The following HECTD4 variants were observed in gnomAD, a reference collection of about 807,000 sequenced individuals.
HECTD4 encodes HECT domain E3 ubiquitin protein ligase 4.
Under a neutral mutation model 471.5 loss-of-function variants are expected in HECTD4, and 114 were observed. The ratio of observed to expected loss-of-function variants is 0.24; its 90% CI spans 0.21 to 0.28. The LOEUF is 0.28. Ranked by LOEUF, HECTD4 falls within the 10% of genes least tolerant of loss-of-function variation. The pLI is 1.00. For missense variants in HECTD4, 3,866 were observed against 5,651.5 expected (o/e 0.68, Z 10.13); for synonymous variants, 2,012 against 2,256.0 (o/e 0.89, Z 3.07).
rs529582883 is a variant in HECTD4, at chr12:112,192,438, T to C, written c.9292+122A>G. On this transcript the variant is annotated intron_variant, in intron 59 of 75. Transcript: ENST00000682272. ...AGTTTCTTCCAGAAGTCCCCAGAAG[T>C]CCTATTCTTTATCAATAGGAACTGG... The C allele has an allele frequency of 2.0e-5, 14 of 687,242 alleles. No homozygotes were observed. In the African/African-American group the frequency reaches 2.2e-4, roughly 11 times the overall value. 42.6% of individuals were successfully genotyped at this position (687,242 alleles called of 1,614,324 possible).
At position 112,228,761 on chromosome 12, in the gene HECTD4, A is replaced by G. The variant is rs1379481331; in HGVS notation, c.6570T>C (p.Asn2190=). The G allele has an allele frequency of 6.2e-7, 1 of 1,613,728 alleles. No homozygotes were observed. Among genetic ancestry groups the G allele is most frequent in the Admixed American group, 1.7e-5 (1 of 59,884 alleles). The change falls in exon 42 of 76, where the codon AAT becomes AAC. Residue 2190 remains asparagine, a synonymous_variant. Coordinates refer to ENST00000682272, the MANE Select transcript of HECTD4 (RefSeq NM_001388303.1). This position sits in a 1 kb window ranked among gnomAD's most constrained non-coding sequence, Gnocchi z 4.9. ...TGACTGTAGCTATACCTTCCTGTTC[A>G]TTGATAGAAGCCACTACTCCAATGC... ...SGSIGVVASI[N]EQEGIATVRF...
intron 18 of HECTD4, among the ~76,000 whole-genome samples, chr12:112,259,517 C>CTTTTT (rs34854104): frequency 7.6e-5 from 9 of 118,636 alleles, no homozygotes; most frequent in African/African-American, 1.7e-4. Context: ...TATAAGCTGC[C>CTTTTT]TTTTTTTTTT....
At chr12:112,358,439 A>T (rs1406380176) in intron 1 of HECTD4, among the ~76,000 whole-genome samples, 1 of 152,132 alleles carries the variant, frequency 6.6e-6, no homozygotes, top group Non-Finnish European at 1.5e-5. Context: ...AACATAGCAA[A>T]ACCTCATTTC....
rs2033778721 is a variant in HECTD4 at position 112,247,025 on chromosome 12, T to C, written c.4389A>G (p.Pro1463=). The change falls in exon 29 of 76, where the codon CCA becomes CCG. Residue 1463 remains proline (P), a synonymous_variant. Transcript: ENST00000682272. ...TCACTAACGTCTTTGTTTTAGCCAG[T>C]GGGTGTGAGGGTTTCTGAATAAGAG... ...VNSLIQKPSH[P]LAKTKTLVKS... 6.2e-7 allele frequency: 1 copy of C among 1,611,118 alleles called. No individual in the cohort carries two copies. Among genetic ancestry groups the C allele is most frequent in the Non-Finnish European group, 8.5e-7 (1 of 1,179,336 alleles).
intron 66 of HECTD4, among the ~76,000 whole-genome samples, chr12:112,175,204 T>G (rs1296645210): frequency 6.6e-6 from 1 of 152,208 alleles, no homozygotes; most frequent in Non-Finnish European, 1.5e-5. Context: ...ATCCCCAGTG[T>G]GACTACATTT....
rs932740512 is a variant in HECTD4 at position 112,266,048 on chromosome 12, T to A, written c.2393-65A>T. 8.5e-6 allele frequency: 10 copies of A among 1,171,490 alleles called. 1 individual carries two copies. The highest frequency in any genetic ancestry group is 8.0e-5 in the South Asian group (6 of 75,226). The allele number at this position is 1,171,490 out of a possible 1,614,324, so 72.6% of individuals were successfully genotyped here. On this transcript the variant is annotated intron_variant, in intron 14 of 75. Coordinates refer to ENST00000682272, the MANE Select transcript of HECTD4 (RefSeq NM_001388303.1). ...ACTCCTAGAATACTGATGCTATTTT[T>A]AAAAAGTTTTTAAACAAATAGATTG...
Position 112,179,160 on chromosome 12 carries a change from G to A in HECTD4, c.11211+14C>T. On this transcript the variant is annotated intron_variant, in intron 63 of 75. Coordinates refer to ENST00000682272, the MANE Select transcript of HECTD4 (RefSeq NM_001388303.1). The surrounding 1 kb of genome is among the most constrained non-coding windows in gnomAD (Gnocchi z 4.3). ...CCAAGGCCCGGCCTGGGTATGGTGG[G>A]GACGGGCAGCTACCTGGGTGAGCTG... The A allele has an allele frequency of 6.2e-7, 1 of 1,613,454 alleles. No individual in the cohort carries two copies. Among genetic ancestry groups the A allele is most frequent in the South Asian group, 1.1e-5 (1 of 90,966 alleles).
At chr12:112,200,079 A>G (rs910947352) in intron 55 of HECTD4, among the ~76,000 whole-genome samples, 1 of 151,854 alleles carries the variant, frequency 6.6e-6, no homozygotes, top group Non-Finnish European at 1.5e-5. Flanking sequence ...GAGTCAGTCA[A>G]TCTCTAGCTA....
At chr12:112,215,906 T>C (rs2135549079) in intron 48 of HECTD4, among the ~76,000 whole-genome samples, 1 of 152,318 alleles carries the variant, frequency 6.6e-6, no homozygotes, top group Middle Eastern at 3.4e-3. Context: ...ATGCTGGAAT[T>C]ATAGGCGTGA....
chr12:112,211,370 C>T (rs1292242403), intron 49 of HECTD4, among the ~76,000 whole-genome samples: 5 of 152,106 alleles, frequency 3.3e-5, no homozygotes, highest in African/African-American at 1.2e-4. Context: ...GGCACCACCA[C>T]ACCTGGCATC....
intron 1 of HECTD4, among the ~76,000 whole-genome samples, chr12:112,324,099 T>C (rs933019712): frequency 1.6e-4 from 16 of 101,920 alleles, no homozygotes; most frequent in Non-Finnish European, 2.3e-4. Flanking sequence ...TCTTTCTTTC[T>C]TTCCTCTCTC....
chr12:112,266,121 G>A, intron 14 of HECTD4, 138 bp from the exon 15 acceptor site: 2 of 606,420 alleles, frequency 3.3e-6, no homozygotes, highest in Non-Finnish European at 5.8e-6. Context: ...AAATAAGAGT[G>A]GCAAAAACGA....
At chr12:112,332,188 A>G (rs907293453) in intron 1 of HECTD4, among the ~76,000 whole-genome samples, 2 of 151,882 alleles carry the variant, frequency 1.3e-5, no homozygotes, top group African/African-American at 4.9e-5. Flanking sequence ...CTTTGATAAT[A>G]TGTCACTCAA....
intron 40 of HECTD4, 85 bp from the exon 41 acceptor site, chr12:112,229,965 C>G (rs1429712432): frequency 7.8e-7 from 1 of 1,282,416 alleles, no homozygotes; most frequent in Non-Finnish European, 1.1e-6. Context: ...ACAACAGTGC[C>G]TGGGTCCCAT....
At chr12:112,374,307 G>A (rs942204613) in intron 1 of HECTD4, among the ~76,000 whole-genome samples, 1 of 152,182 alleles carries the variant, frequency 6.6e-6, no homozygotes, top group African/African-American at 2.4e-5. Context: ...GCCAGTGACA[G>A]AGTGAGAACC....
intron 54 of HECTD4, 32 bp downstream of exon 54, chr12:112,203,604 T>G (rs1281904721): frequency 1.3e-6 from 2 of 1,588,420 alleles, no homozygotes; most frequent in African/African-American, 2.7e-5. Context: ...ATATATAAAA[T>G]AGCTTATTAA....
chr12:112,362,603 A>T (rs1212694101), intron 1 of HECTD4, among the ~76,000 whole-genome samples: 2 of 152,176 alleles, frequency 1.3e-5, no homozygotes, highest in Non-Finnish European at 1.5e-5. Flanking sequence ...AGTAACTACT[A>T]ATACTGGCTG....
At position 112,203,735 on chromosome 12, in the gene HECTD4, A is replaced by G. The variant is rs2032495651; in HGVS notation, c.8307T>C (p.Asn2769=). Residue 2769 remains asparagine (N), a synonymous_variant, in exon 54 of 76, where the codon AAT becomes AAC. Coordinates refer to ENST00000682272, the MANE Select transcript of HECTD4 (RefSeq NM_001388303.1). ...CAGTTCCAACAGCACTGCTGGCTAC[A>G]TTATTGCTGTCTGGAGAGCGGGTTA... is the stretch of plus-strand genomic sequence containing the variant. ...TVVTRSPDSN[N]VASSAVGTAL... The G allele has an allele frequency of 6.2e-7, 1 of 1,612,740 alleles. No individual in the cohort carries two copies. Among genetic ancestry groups the G allele is most frequent in the African/African-American group, 1.3e-5 (1 of 74,904 alleles).
intron 23 of HECTD4, 130 bp from the exon 24 acceptor site, chr12:112,251,264 G>C: frequency 1.3e-6 from 1 of 795,100 alleles, no homozygotes; most frequent in Non-Finnish European, 1.9e-6. Context: ...CACTGCTAGG[G>C]GACACAGGTA....
Sources: allele counts gnomAD v4.1 joint callset (sites outside exome capture counted in the v4.1 genomes callset), GRCh38; gene constraint gnomAD v4.1.1; non-coding constraint Gnocchi (gnomAD v3.1); transcripts MANE v1.5; gene names NCBI Gene and HGNC (gene_info 2026-07-23, HGNC 2026-07-21).